The following PLXDC1 variants were observed in gnomAD, a reference collection of about 807,000 sequenced individuals.
PLXDC1 encodes the protein plexin domain containing 1.
PLXDC1 carries 39 observed loss-of-function variants against 61.3 expected under a neutral mutation model. The observed-to-expected ratio is 0.64, with a 90% confidence interval of 0.49 to 0.83. PLXDC1 has a LOEUF of 0.83. PLXDC1 is among the 40% of genes least tolerant of loss of function. The pLI is 0.00. For missense variants in PLXDC1, 596 were observed against 666.5 expected (o/e 0.89, Z 1.17); for synonymous variants, 212 against 254.5 (o/e 0.83, Z 1.59).
At chr17:39,076,840 A>G (rs964567291) in intron 11 of PLXDC1, among the ~76,000 whole-genome samples, 2 of 152,070 alleles carry the variant, frequency 1.3e-5, no homozygotes, top group Non-Finnish European at 2.9e-5. Context: ...GGTTTAAGCA[A>G]TTCTCCTGCC....
At chr17:39,112,775 C>T (rs1598202563) in intron 2 of PLXDC1, among the ~76,000 whole-genome samples, 1 of 152,060 alleles carries the variant, frequency 6.6e-6, no homozygotes, top group Admixed American at 6.6e-5. Context: ...GGGACTGGTG[C>T]TTTGCAATGT....
At chr17:39,129,573 C>CAT (rs1911467938) in intron 2 of PLXDC1, among the ~76,000 whole-genome samples, 2 of 136,168 alleles carry the variant, frequency 1.5e-5, no homozygotes, top group South Asian at 2.4e-4. Flanking sequence ...GCTGAGATTG[C>CAT]GCCACTACAC....
rs767269434 is a variant in PLXDC1 at position 39,077,966 on chromosome 17, C to T, written c.1133G>A (p.Gly378Glu). 7 of 1,613,890 alleles carry T rather than the reference C, an allele frequency of 4.3e-6. No individual in the cohort carries two copies. In the East Asian group the frequency reaches 1.3e-4, roughly 31 times the overall value. ...SPDTSFSPYD[G>E]DLTTTSSSLF... ...GGAGGAGGAGGTAGTGGTGAGGTCT[C>T]CATCATAGGGGCTGAAGGAAGTGTC... Residue 378 changes from glycine to glutamate, a missense_variant, in exon 11 of 14, where the codon GGA (glycine) becomes GAA (glutamate). Coordinates refer to ENST00000315392, the MANE Select transcript of PLXDC1 (RefSeq NM_020405.5).
Position 39,108,166 on chromosome 17 carries a change from G to A in PLXDC1, c.549C>T (p.Asn183=). Residue 183 remains asparagine (N), a synonymous_variant, in exon 5 of 14, where the codon AAC becomes AAT. Transcript: ENST00000315392. ...QYVAPLMANF[N]PGYSDNSTVV... ...CTGTGGAGTTGTCGGAGTAGCCAGGGTTGAAGTTGGCCATCAGGGGCGCCA... is the reference window on the plus strand; with the variant it reads ...CTGTGGAGTTGTCGGAGTAGCCAGGATTGAAGTTGGCCATCAGGGGCGCCA... The A allele has an allele frequency of 1.2e-6, 2 of 1,614,206 alleles. No homozygotes were observed. The highest frequency in any genetic ancestry group is 2.2e-5 in the East Asian group (1 of 44,888).
chr17:39,142,190 A>C (rs1911956717), intron 1 of PLXDC1, among the ~76,000 whole-genome samples: 1 of 151,410 alleles, frequency 6.6e-6, no homozygotes, highest in Admixed American at 6.6e-5. Flanking sequence ...AATAAAATTA[A>C]CCCCCCCTTG....
At chr17:39,116,636 T>C (rs3025166) in intron 2 of PLXDC1, among the ~76,000 whole-genome samples, 13,711 of 152,184 alleles carry the variant, frequency 0.09, 738 homozygotes, top group Non-Finnish European at 0.12. Flanking sequence ...CTCAATTTCT[T>C]CTCTGAGGAA....
Position 39,077,902 on chromosome 17 carries a change from T to TCAG in PLXDC1, c.1186+8_1186+10dup, listed in dbSNP as rs1453734328. On this transcript the variant is annotated intron_variant, in intron 11 of 13. Coordinates refer to ENST00000315392, the MANE Select transcript of PLXDC1 (RefSeq NM_020405.5). Reference sequence around the variant, plus strand: ...CCTCCTCTCTGCTCCCCTCCTGGGCTCAGAACTTACCTTCTGTGGTGAGGC... The same window carrying TCAG: ...CCTCCTCTCTGCTCCCCTCCTGGGCTCAGCAGAACTTACCTTCTGTGGTGAGGC... The TCAG allele has an allele frequency of 6.2e-7, 1 of 1,614,018 alleles. No individual in the cohort carries two copies. Among genetic ancestry groups the TCAG allele is most frequent in the South Asian group, 1.1e-5 (1 of 91,080 alleles).
In PLXDC1 at chr17:39,069,948, C is replaced by T. The variant is rs780669100; in HGVS notation, c.1291G>A (p.Val431Met). The T allele has an allele frequency of 6.2e-6, 10 of 1,613,628 alleles. No homozygotes were observed. The highest frequency in any genetic ancestry group is 1.7e-5 in the Admixed American group (1 of 60,012). Reference protein sequence around the residue: ...PVHLGTIVGIVLAVLLVAAII... With the variant: ...PVHLGTIVGIMLAVLLVAAII... ...GCCGCCACGAGGAGGACTGCCAGCA[C>T]GATGCCCACGATGGTGCCCAGGTGC... Residue 431 changes from valine to methionine, a missense_variant, in exon 13 of 14, where the codon GTG becomes ATG. Val to Met is a conservative substitution (Grantham distance 21). Coordinates refer to ENST00000315392, the MANE Select transcript of PLXDC1 (RefSeq NM_020405.5).
rs745838830 is a variant in PLXDC1, at chr17:39,109,373, A to C, written c.274T>G (p.Tyr92Asp). 10 of 1,598,750 alleles carry C rather than the reference A, an allele frequency of 6.3e-6. No individual in the cohort carries two copies. Among genetic ancestry groups the C allele is most frequent in the Admixed American group, 5.3e-5 (3 of 56,516 alleles). The change falls in exon 3 of 14, where the codon TAT becomes GAT. Residue 92 changes from tyrosine (Y) to aspartate (D), a missense_variant. Tyr to Asp is a radical substitution (Grantham distance 160, BLOSUM62 -3). Coordinates refer to ENST00000315392, the MANE Select transcript of PLXDC1 (RefSeq NM_020405.5). The part of the protein sequence containing the change: ...TRVVEDNHSY[Y>D]VSRLYGPSEP... ...CTGGGGCCATAGAGACGGGACACAT[A>C]ATAGCTGTGGTTGTCCTCCTGCCGG...
chr17:39,087,802 G>T, intron 7 of PLXDC1, 100 bp from the exon 8 acceptor site: 1 of 774,294 alleles, frequency 1.3e-6, no homozygotes, highest in Non-Finnish European at 2.2e-6. Flanking sequence ...CTGCACTGAA[G>T]GCAGTAAGTG....
rs1238695617 is a variant in PLXDC1 at position 39,066,186 on chromosome 17, G to A, written c.*1654C>T. The A allele has an allele frequency of 1.3e-5, 2 of 152,254 alleles. No individual in the cohort carries two copies. The highest frequency in any genetic ancestry group is 4.8e-5 in the African/African-American group (2 of 41,464). The allele number at this position is 152,254 out of a possible 1,614,324, so 9.4% of individuals were successfully genotyped here. ...AGTCCTGCCTTTGGAGGTATGTACA[G>A]GCACTGACATCAGAACAGGGCAGTG... On this transcript the variant is annotated 3_prime_UTR_variant, in exon 14 of 14. Transcript: ENST00000315392.
chr17:39,112,520 C>T (rs1265374172), intron 2 of PLXDC1, among the ~76,000 whole-genome samples: 2 of 131,340 alleles, frequency 1.5e-5, no homozygotes, highest in African/African-American at 6.0e-5. Flanking sequence ...TGCAGTGGTG[C>T]GATCTCAGCT....
intron 2 of PLXDC1, among the ~76,000 whole-genome samples, chr17:39,110,508 G>T (rs992848766): frequency 6.6e-6 from 1 of 152,230 alleles, no homozygotes; most frequent in African/African-American, 2.4e-5. Flanking sequence ...AGAGAGGGGC[G>T]ATGTGGAAGC....
At chr17:39,093,010 T>C (rs957215795) in intron 7 of PLXDC1, among the ~76,000 whole-genome samples, 2 of 152,236 alleles carry the variant, frequency 1.3e-5, no homozygotes, top group Non-Finnish European at 2.9e-5. Flanking sequence ...TGCTGAGAGC[T>C]TCCTGATTTG....
intron 8 of PLXDC1, among the ~76,000 whole-genome samples, chr17:39,085,628 C>T (rs1598189276): frequency 6.6e-6 from 1 of 152,106 alleles, no homozygotes; most frequent in East Asian, 1.9e-4. Flanking sequence ...CACTCCCACC[C>T]CAGGCCACTT....
intron 2 of PLXDC1, among the ~76,000 whole-genome samples, chr17:39,128,087 C>CTATTGATATATATATATATATA: frequency 1.5e-5 from 1 of 67,252 alleles, no homozygotes; most frequent in East Asian, 5.4e-4. Flanking sequence ...CTCTCTCTCT[C>CTATTGATATATATATATATATA]TCTCTATGTG....
intron 7 of PLXDC1, among the ~76,000 whole-genome samples, chr17:39,093,528 C>T (rs891033648): frequency 5.3e-5 from 8 of 151,954 alleles, no homozygotes; most frequent in Admixed American, 3.9e-4. Flanking sequence ...ACCAGCCTGG[C>T]CAACATGGTG....
At chr17:39,107,235 C>T (rs1285804353) in intron 6 of PLXDC1, among the ~76,000 whole-genome samples, 172 bp downstream of exon 6, 4 of 152,290 alleles carry the variant, frequency 2.6e-5, no homozygotes, top group South Asian at 4.1e-4. Context: ...AATTATTGTC[C>T]ACCTCCGCAA....
At chr17:39,141,647 A>G (rs148504809) in intron 1 of PLXDC1, among the ~76,000 whole-genome samples, 1 of 152,366 alleles carries the variant, frequency 6.6e-6, no homozygotes, top group African/African-American at 2.4e-5. Flanking sequence ...TTTTGGGTAT[A>G]TACCCAGAAG....
Sources: gnomAD v4.1 joint callset for allele counts (sites outside exome capture counted in the v4.1 genomes callset) on GRCh38, gnomAD v4.1.1 for gene constraint, MANE v1.5 for transcripts, NCBI Gene and HGNC (gene_info 2026-07-23, HGNC 2026-07-21) for gene names.